SCHIP1: variants seen among roughly 807,000 people sequenced by gnomAD.
SCHIP1 encodes schwannomin-interacting protein 1.
In SCHIP1, 8 loss-of-function variants were observed where a neutral mutation model predicts 29.7. The observed-to-expected ratio is 0.27, with a 90% confidence interval of 0.16 to 0.49. The LOEUF is 0.49. SCHIP1 is among the 20% of genes least tolerant of loss of function. SCHIP1 has a pLI of 0.99. For missense variants in SCHIP1, 193 were observed against 294.6 expected (o/e 0.66, Z 2.52); for synonymous variants, 76 against 94.9 (o/e 0.80, Z 1.16).
the SCHIP1 span, among the ~76,000 whole-genome samples, chr3:159,430,850 G>A: frequency 1.3e-5 from 2 of 152,066 alleles, no homozygotes; most frequent in African/African-American, 4.8e-5. Context: ...CGTCCCCCAT[G>A]ATGTATAGAA....
intron 1 of SCHIP1, chr3:159,853,401 A>C: frequency 2.9e-6 from 2 of 699,178 alleles, no homozygotes; most frequent in East Asian, 5.4e-5. Flanking sequence ...CAGTGATGGA[A>C]TGGATGACAT....
chr3:159,545,147 T>C, the SCHIP1 span, among the ~76,000 whole-genome samples: 1 of 152,012 alleles, frequency 6.6e-6, no homozygotes, highest in African/African-American at 2.4e-5. Context: ...TCCAAACATG[T>C]GTAGATCTGT....
the SCHIP1 span, among the ~76,000 whole-genome samples, chr3:159,581,690 A>G: frequency 2.6e-5 from 4 of 152,296 alleles, no homozygotes; most frequent in African/African-American, 9.6e-5. Context: ...ATCTAAAACC[A>G]TTTTTAAAAG....
At chr3:159,824,852 T>C in the SCHIP1 span, among the ~76,000 whole-genome samples, 3 of 152,250 alleles carry the variant, frequency 2.0e-5, no homozygotes, top group African/African-American at 7.2e-5. Context: ...CATTTGTATT[T>C]GTTTGTTTTC....
the SCHIP1 span, among the ~76,000 whole-genome samples, chr3:159,343,335 T>C: frequency 2.6e-5 from 4 of 152,252 alleles, no homozygotes; most frequent in African/African-American, 9.6e-5. Context: ...TTTTAATTAG[T>C]TATTTCTGCA....
chr3:159,827,228 G>A, the SCHIP1 span, among the ~76,000 whole-genome samples: 13 of 152,236 alleles, frequency 8.5e-5, no homozygotes, highest in East Asian at 2.1e-3. Flanking sequence ...AGTCCATGTC[G>A]CTGCTTAACT....
At chr3:159,327,650 C>A in the SCHIP1 span, among the ~76,000 whole-genome samples, 4 of 152,260 alleles carry the variant, frequency 2.6e-5, no homozygotes, top group South Asian at 2.1e-4. Flanking sequence ...AATAACTGTT[C>A]ATAATGAATC....
At chr3:159,713,354 G>A in the SCHIP1 span, among the ~76,000 whole-genome samples, 39 of 152,238 alleles carry the variant, frequency 2.6e-4, no homozygotes, top group African/African-American at 7.9e-4. Flanking sequence ...CAAGTAACAG[G>A]AGGGTAGACT....
At chr3:159,689,579 A>G in the SCHIP1 span, among the ~76,000 whole-genome samples, 1 of 151,700 alleles carries the variant, frequency 6.6e-6, no homozygotes, top group Admixed American at 6.6e-5. Context: ...TCCTATTTGA[A>G]TACCTTTATT....
chr3:159,720,777 G>T, the SCHIP1 span, among the ~76,000 whole-genome samples: 1 of 151,978 alleles, frequency 6.6e-6, no homozygotes, highest in African/African-American at 2.4e-5. Flanking sequence ...TAGAGACGGG[G>T]TTTTGCCATG....
At chr3:159,427,053 C>G in the SCHIP1 span, among the ~76,000 whole-genome samples, 180 of 152,228 alleles carry the variant, frequency 1.2e-3, no homozygotes, top group Admixed American at 4.4e-3. Context: ...TAAGAGCTAT[C>G]TATGACAAAC....
At chr3:159,860,574 A>C (rs1167957461) in intron 1 of SCHIP1, among the ~76,000 whole-genome samples, 1 of 152,224 alleles carries the variant, frequency 6.6e-6, no homozygotes, top group Non-Finnish European at 1.5e-5. Context: ...GAGCATTATA[A>C]AACAAGTACA....
the SCHIP1 span, among the ~76,000 whole-genome samples, chr3:159,647,635 C>G: frequency 6.6e-6 from 1 of 152,162 alleles, no homozygotes; most frequent in Non-Finnish European, 1.5e-5. Flanking sequence ...CTTTGTCCTA[C>G]AAAGCCATTA....
At chr3:159,431,124 G>GA in the SCHIP1 span, among the ~76,000 whole-genome samples, 20 of 150,922 alleles carry the variant, frequency 1.3e-4, no homozygotes, top group Admixed American at 1.1e-3. Context: ...ATTCAGCGAG[G>GA]AAAAAAACAA....
the SCHIP1 span, among the ~76,000 whole-genome samples, chr3:159,769,484 T>C: frequency 6.6e-6 from 1 of 152,138 alleles, no homozygotes; most frequent in Non-Finnish European, 1.5e-5. Flanking sequence ...GCATGGTGGC[T>C]CAGGCCTGTA....
chr3:159,693,139 C>A, the SCHIP1 span, among the ~76,000 whole-genome samples: 1 of 152,074 alleles, frequency 6.6e-6, no homozygotes, highest in African/African-American at 2.4e-5. Context: ...GATTATATCA[C>A]CCCGAATATC....
chr3:159,462,191 A>T, the SCHIP1 span, among the ~76,000 whole-genome samples: 1 of 152,138 alleles, frequency 6.6e-6, no homozygotes, highest in South Asian at 2.1e-4. Context: ...CCTGTGCAAC[A>T]GAGCAAGACT....
chr3:159,534,258 A>G, the SCHIP1 span, among the ~76,000 whole-genome samples: 1 of 152,178 alleles, frequency 6.6e-6, no homozygotes, highest in Admixed American at 6.5e-5. Flanking sequence ...CAAATGAAAG[A>G]GCTATATTTA....
At chr3:159,822,066 T>C in the SCHIP1 span, among the ~76,000 whole-genome samples, 1 of 152,234 alleles carries the variant, frequency 6.6e-6, no homozygotes. Flanking sequence ...TTCTGGAATT[T>C]TCCATTTAAT....
Sources: allele counts gnomAD v4.1 joint callset (sites outside exome capture counted in the v4.1 genomes callset), GRCh38; gene constraint gnomAD v4.1.1; transcripts MANE v1.5; gene names NCBI Gene and HGNC (gene_info 2026-07-23, HGNC 2026-07-21).